The following NRXN1 variants were observed in gnomAD, a reference collection of about 807,000 sequenced individuals.
The protein encoded by NRXN1 is neurexin-1.
In NRXN1, 39 loss-of-function variants were observed where a neutral mutation model predicts 150.9. That is an observed-to-expected ratio of 0.26 (90% CI 0.20 to 0.34). The LOEUF is 0.34. Among genes scored for constraint, NRXN1 ranks in the 10% least tolerant of loss-of-function variants. The probability of loss-of-function intolerance (pLI) is 1.00; values close to 1 mark genes in which losing one functional copy is unlikely to be tolerated. For synonymous variants in NRXN1, 924 were observed against 757.0 expected (o/e 1.22, Z -3.62); for missense variants, 1,815 against 1,949.9 (o/e 0.93, Z 1.30).
intron 17 of NRXN1, among the ~76,000 whole-genome samples, chr2:50,427,334 G>A (rs1180149055): frequency 6.7e-6 from 1 of 149,376 alleles, no homozygotes; most frequent in African/African-American, 2.5e-5. Flanking sequence ...TTTAACTGGT[G>A]AGGGGAAGGT....
chr2:50,883,431 T>C (rs1421307648), intron 5 of NRXN1, among the ~76,000 whole-genome samples: 3 of 151,722 alleles, frequency 2.0e-5, no homozygotes, highest in Non-Finnish European at 4.4e-5. Context: ...CTTTTTTTTT[T>C]TTTGCATTTT....
At chr2:50,744,763 T>C (rs758224036) in intron 5 of NRXN1, among the ~76,000 whole-genome samples, 9 of 152,178 alleles carry the variant, frequency 5.9e-5, no homozygotes, top group Non-Finnish European at 8.8e-5. Flanking sequence ...AGATTATGGT[T>C]ACATGAAACT....
intron 17 of NRXN1, among the ~76,000 whole-genome samples, chr2:50,417,944 T>C (rs996348584): frequency 1.3e-5 from 2 of 151,772 alleles, no homozygotes; most frequent in Admixed American, 1.3e-4. Context: ...AGAAGGACCA[T>C]CCTGAAGGCA....
At chr2:50,592,961 A>G (rs1168698735) in intron 8 of NRXN1, among the ~76,000 whole-genome samples, 1 of 152,196 alleles carries the variant, frequency 6.6e-6, no homozygotes, top group Non-Finnish European at 1.5e-5. Flanking sequence ...CTCGTAGCCA[A>G]ATGGACCATA....
Position 50,346,845 on chromosome 2 carries a change from C to A in NRXN1, c.3365-109875G>T. 1 of 1,601,054 alleles carries A rather than the reference C, an allele frequency of 6.2e-7. No homozygotes were observed. The highest frequency in any genetic ancestry group is 8.5e-7 in the Non-Finnish European group (1 of 1,174,260). On this transcript the variant is annotated intron_variant, in intron 17 of 22. Transcript: ENST00000401669. The surrounding 1 kb of genome is among the most constrained non-coding windows in gnomAD (Gnocchi z 5.0). ...GGCCGCTGAGGGTGAGCGGGACTAT[C>A]CAAAGCAGGGCCAGGCGCCCCCCTG...
rs573528875 is a variant in NRXN1 at position 50,713,499 on chromosome 2, G to A, written c.833-89884C>T. 2.0e-4 allele frequency among the ~76,000 whole-genome samples: 30 copies of A among 152,176 alleles called. 1 individual carries two copies. In the South Asian group the frequency reaches 6.0e-3, roughly 31 times the overall value. ...CTGGCAGAAGTGAAATGTATGGTGT[G>A]TTCAAGAAGCATCAATTATGGCTGA... is the stretch of plus-strand genomic sequence containing the variant. On this transcript the variant is annotated intron_variant, in intron 5 of 22. Coordinates refer to ENST00000401669, the MANE Select transcript of NRXN1 (RefSeq NM_001330078.2).
chr2:50,143,198 T>G (rs1707518866), intron 18 of NRXN1, among the ~76,000 whole-genome samples: 1 of 150,216 alleles, frequency 6.7e-6, no homozygotes, highest in African/African-American at 2.4e-5. Flanking sequence ...TAAAAGAGAA[T>G]GAGGAAATAA....
rs550066784 is a variant in NRXN1 at position 50,621,077 on chromosome 2, G to C, written c.1158+149C>G. Reference sequence around the variant, plus strand: ...TAAGAAGGTCAACAACAGATGAAAAGAAGGAGGTCAAAGTAAGCAGAAGAG... The same window carrying C: ...TAAGAAGGTCAACAACAGATGAAAACAAGGAGGTCAAAGTAAGCAGAAGAG... On this transcript the variant is annotated intron_variant, in intron 7 of 22. Coordinates refer to ENST00000401669, the MANE Select transcript of NRXN1 (RefSeq NM_001330078.2). 1.3e-4 allele frequency: 80 copies of C among 598,692 alleles called. No homozygotes were observed. The East Asian group carries it at 2.2e-3, about 16-fold the overall frequency. The allele number at this position is 598,692 out of a possible 1,614,324, so 37.1% of individuals were successfully genotyped here.
At chr2:50,659,711 T>C (rs915363768) in intron 5 of NRXN1, among the ~76,000 whole-genome samples, 38 of 151,612 alleles carry the variant, frequency 2.5e-4, no homozygotes, top group African/African-American at 8.9e-4. Context: ...TTAATTCATA[T>C]ACATTTTAGC....
At chr2:49,925,264 C>T (rs1280829635) in intron 22 of NRXN1, among the ~76,000 whole-genome samples, 3 of 136,836 alleles carry the variant, frequency 2.2e-5, no homozygotes, top group Non-Finnish European at 3.0e-5. Context: ...GGCAACAGAG[C>T]GAGACACTGC....
chr2:50,373,665 AGAAAGAAAGAAAG>A (rs1375421853), intron 17 of NRXN1, among the ~76,000 whole-genome samples: 1 of 106,566 alleles, frequency 9.4e-6, no homozygotes, highest in Non-Finnish European at 1.9e-5. Flanking sequence ...AAAGAAAGAA[AGAAAGAAAGAAAG>A]AAAAGAAAGA....
At chr2:50,240,196 C>A (rs1337571688) in intron 17 of NRXN1, among the ~76,000 whole-genome samples, 1 of 151,504 alleles carries the variant, frequency 6.6e-6, no homozygotes, top group Admixed American at 6.6e-5. Flanking sequence ...TAGGTTTCAC[C>A]AAAACAAAGC....
At chr2:50,943,291 A>G (rs377247523) in intron 2 of NRXN1, among the ~76,000 whole-genome samples, 9 of 152,268 alleles carry the variant, frequency 5.9e-5, no homozygotes, top group East Asian at 1.9e-4. Flanking sequence ...CGGACTTCAC[A>G]TGTTAGGCTA....
intron 21 of NRXN1, among the ~76,000 whole-genome samples, chr2:50,027,023 A>G (rs1363566603): frequency 6.6e-6 from 1 of 151,560 alleles, no homozygotes; most frequent in Non-Finnish European, 1.5e-5. Flanking sequence ...CTGAGACTAC[A>G]GGTGTGTGCC....
chr2:50,417,278 A>C (rs552146816), intron 17 of NRXN1: 1 of 152,142 alleles, frequency 6.6e-6, no homozygotes, highest in Non-Finnish European at 1.5e-5. Context: ...TTCAAGCCAA[A>C]GTTTTATAAA....
intron 2 of NRXN1, among the ~76,000 whole-genome samples, chr2:50,973,463 A>G (rs1191567591): frequency 1.3e-5 from 2 of 152,142 alleles, no homozygotes; most frequent in Non-Finnish European, 2.9e-5. Context: ...CTGCAACAGG[A>G]AAGGAATGCC....
intron 17 of NRXN1, among the ~76,000 whole-genome samples, chr2:50,320,285 TATATATATATATATATATA>T (rs2075925975): frequency 2.8e-4 from 16 of 57,674 alleles, no homozygotes; most frequent in African/African-American, 1.0e-3. Context: ...ACCTCAATCA[TATATATATATATATATATA>T]TATATATATA....
At chr2:50,874,526 C>T (rs535554131) in intron 5 of NRXN1, among the ~76,000 whole-genome samples, 4 of 151,790 alleles carry the variant, frequency 2.6e-5, no homozygotes, top group South Asian at 2.1e-4. Context: ...GTTAGCATCA[C>T]GTTTTGAGAA....
rs1402941024 is a variant in NRXN1 at position 49,924,883 on chromosome 2, C to T, written c.4217-2632G>A. Among the ~76,000 whole-genome samples the T allele has an allele frequency of 4.6e-5, 7 of 152,054 alleles. No homozygotes were observed. In the South Asian group the frequency reaches 6.2e-4, roughly 14 times the overall value. On this transcript the variant is annotated intron_variant, in intron 22 of 22. Transcript: ENST00000401669. ...TAGCAGATATTATTATAGGTATGTT[C>T]GGAATAGGTAGTTACTCCAATATCT...
Sources: gnomAD v4.1 joint callset for allele counts (sites outside exome capture counted in the v4.1 genomes callset) on GRCh38, gnomAD v4.1.1 for gene constraint, Gnocchi (gnomAD v3.1) non-coding constraint, MANE v1.5 for transcripts, NCBI Gene and HGNC (gene_info 2026-07-23, HGNC 2026-07-21) for gene names.